Variants in CGREF1 observed in about 807,000 individuals in gnomAD.
CGREF1 encodes the protein cell growth regulator with EF-hand domain 1.
In CGREF1, 16 loss-of-function variants were observed where a neutral mutation model predicts 17.4. The ratio of observed to expected loss-of-function variants is 0.92; its 90% CI spans 0.62 to 1.40. The LOEUF (loss-of-function observed/expected upper bound fraction) is 1.40. Ranked by LOEUF, CGREF1 falls within the 40% of genes most tolerant of loss-of-function variation. The pLI is 0.00. For synonymous variants in CGREF1, 142 were observed against 154.6 expected (o/e 0.92, Z 0.61); for missense variants, 296 against 376.4 (o/e 0.79, Z 1.77).
Position 27,118,901 on chromosome 2 carries a change from TGCGCCGCCC to T in CGREF1, c.-76_-68del, listed in dbSNP as rs1671690334. 1 of 152,074 alleles carries T rather than the reference TGCGCCGCCC, an allele frequency of 6.6e-6. No individual in the cohort carries two copies. Among genetic ancestry groups the T allele is most frequent in the Admixed American group, 6.6e-5 (1 of 15,188 alleles). The allele number at this position is 152,074 out of a possible 1,614,324, so 9.4% of individuals were successfully genotyped here. A position where few individuals can be genotyped will look rare whatever the true frequency, so the allele number is the denominator to read the frequency against. ...CAGCTCCGTGGGCGCTCCTGGCTGC[TGCGCCGCCC>T]GCGCCTCGCCTCCCGCCGCCAGCCT... is the stretch of plus-strand genomic sequence containing the variant. On this transcript the variant is annotated 5_prime_UTR_variant, in exon 1 of 6. Transcript: ENST00000402394.
At position 27,101,310 on chromosome 2, in the gene CGREF1, C is replaced by T; in HGVS notation, c.921G>A (p.Glu307=). Residue 307 remains glutamate, a synonymous_variant, in exon 6 of 6, where the codon GAG becomes GAA. Transcript: ENST00000402394. ...CATTCTCCACTTGAACAATGTGCAC[C>T]TCAAAGTCATTTTGGGTGTTCTTAG... The part of the protein sequence containing the change: ...LESKNTQNDF[E]VHIVQVENDE... 2 of 1,587,256 alleles carry T rather than the reference C, an allele frequency of 1.3e-6. No homozygotes were observed. The highest frequency in any genetic ancestry group is 1.7e-6 in the Non-Finnish European group (2 of 1,166,062).
chr2:27,113,295 C>T (rs190528963), intron 1 of CGREF1, among the ~76,000 whole-genome samples: 2 of 152,218 alleles, frequency 1.3e-5, no homozygotes, highest in East Asian at 3.9e-4. Flanking sequence ...ACAGAGAATA[C>T]CATGGAAAGC....
At position 27,101,832 on chromosome 2, in the gene CGREF1, G is replaced by A. The variant is rs758399410; in HGVS notation, c.399C>T (p.Leu133=). The A allele has an allele frequency of 1.9e-6, 3 of 1,614,130 alleles. No individual in the cohort carries two copies. The highest frequency in any genetic ancestry group is 1.6e-4 in the Middle Eastern group (1 of 6,062). ...LETQDLNGDG[L]MTPAELINFP... is the part of the protein sequence containing the mutation. Reference sequence around the variant, plus strand: ...AGTTGATGAGCTCAGCAGGGGTCATGAGCCCATCCCCATTCAGGTCCTGGG... The same window carrying A: ...AGTTGATGAGCTCAGCAGGGGTCATAAGCCCATCCCCATTCAGGTCCTGGG... Residue 133 remains leucine (L), a synonymous_variant, in exon 6 of 6, where the codon CTC becomes CTT. Coordinates refer to ENST00000402394, the MANE Select transcript of CGREF1 (RefSeq NM_006569.6).
intron 1 of CGREF1, among the ~76,000 whole-genome samples, chr2:27,115,198 C>G (rs1377239958): frequency 6.6e-6 from 1 of 152,200 alleles, no homozygotes; most frequent in Non-Finnish European, 1.5e-5. Context: ...TCTGTTGTCA[C>G]TATCTTGAAA....
chr2:27,117,468 A>C (rs1671628175), intron 1 of CGREF1, among the ~76,000 whole-genome samples: 1 of 152,240 alleles, frequency 6.6e-6, no homozygotes, highest in Non-Finnish European at 1.5e-5. Flanking sequence ...CCTAATAAAC[A>C]CATGAAAGCC....
At chr2:27,116,890 T>TCC (rs1558466821) in intron 1 of CGREF1, among the ~76,000 whole-genome samples, 37 of 102,758 alleles carry the variant, frequency 3.6e-4, no homozygotes, top group Non-Finnish European at 7.1e-4. Context: ...TCTCTCTCTC[T>TCC]CTCTCTCTCT....
intron 1 of CGREF1, among the ~76,000 whole-genome samples, chr2:27,114,104 C>T (rs182674628): frequency 2.6e-3 from 397 of 150,864 alleles, no homozygotes; most frequent in African/African-American, 9.3e-3. Flanking sequence ...AACCAATTCT[C>T]CTGCCTCAGC....
chr2:27,099,938 G>A (rs1040189913), downstream of CGREF1: 2 of 1,295,162 alleles, frequency 1.5e-6, no homozygotes, highest in South Asian at 1.3e-5. Flanking sequence ...GGGATGCAGA[G>A]CCTCAGAGCA....
intron 1 of CGREF1, among the ~76,000 whole-genome samples, chr2:27,117,458 C>G (rs908825132): frequency 6.6e-6 from 1 of 152,160 alleles, no homozygotes; most frequent in Non-Finnish European, 1.5e-5. Flanking sequence ...ACATAATTAC[C>G]CTAATAAACA....
Position 27,101,215 on chromosome 2 carries a change from C to T in CGREF1, c.*59G>A. 1 of 1,513,896 alleles carries T rather than the reference C, an allele frequency of 6.6e-7. No individual in the cohort carries two copies. The highest frequency in any genetic ancestry group is 1.3e-5 in the South Asian group (1 of 74,210). 93.8% of individuals were successfully genotyped at this position (1,513,896 alleles called of 1,614,324 possible). ...TTGTCCCAGCGTACATTTCCCCTGCCCACTTCAGGGCTTATGTTCTGGCAC... is the reference window on the plus strand; with the variant it reads ...TTGTCCCAGCGTACATTTCCCCTGCTCACTTCAGGGCTTATGTTCTGGCAC... On this transcript the variant is annotated 3_prime_UTR_variant, in exon 6 of 6. Coordinates refer to ENST00000402394, the MANE Select transcript of CGREF1 (RefSeq NM_006569.6).
At chr2:27,106,418 T>C (rs908011788) in intron 1 of CGREF1, among the ~76,000 whole-genome samples, 5 of 152,146 alleles carry the variant, frequency 3.3e-5, no homozygotes, top group African/African-American at 1.2e-4. Context: ...CCACCTGATA[T>C]GAAGAGACTA....
downstream of CGREF1, chr2:27,099,436 G>T (rs757902561): frequency 6.2e-7 from 1 of 1,613,950 alleles, no homozygotes; most frequent in South Asian, 1.1e-5. Context: ...GCTTGTCTGT[G>T]CCTGGGCTGA....
chr2:27,116,483 T>C (rs1248992836), intron 1 of CGREF1, among the ~76,000 whole-genome samples: 1 of 150,830 alleles, frequency 6.6e-6, no homozygotes, highest in Non-Finnish European at 1.5e-5. Context: ...GCCAAGATTG[T>C]GCCATTGCAC....
rs112618911 is a variant in CGREF1 at position 27,104,353 on chromosome 2, G to A, written c.14C>T (p.Thr5Met). Residue 5 changes from threonine (T) to methionine (M), a missense_variant, in exon 2 of 6, where the codon ACG becomes ATG. Physicochemically the swap from Thr to Met is moderately conservative, Grantham distance 81. Transcript: ENST00000402394. Reference protein sequence around the residue: MLPLTMTVLILLLLP... With the variant: MLPLMMTVLILLLLP... ...CAGCAGCAGGATTAACACTGTCATC[G>A]TCAAAGGTAACATCCTTCCTGGAAC... 2.1e-3 allele frequency: 3,401 copies of A among 1,610,946 alleles called. 7 individuals carry two copies. Among genetic ancestry groups the A allele is most frequent in the Non-Finnish European group, 2.7e-3 (3,128 of 1,178,350 alleles).
At chr2:27,105,090 AC>A (rs1353474852) in intron 1 of CGREF1, among the ~76,000 whole-genome samples, 3 of 152,370 alleles carry the variant, frequency 2.0e-5, no homozygotes, top group Admixed American at 6.5e-5. Context: ...GTATATGAAA[AC>A]AGTCAAGGAT....
At position 27,101,024 on chromosome 2, in the gene CGREF1, G is replaced by C; in HGVS notation, c.*250C>G. On this transcript the variant is annotated 3_prime_UTR_variant, in exon 6 of 6. Coordinates refer to ENST00000402394, the MANE Select transcript of CGREF1 (RefSeq NM_006569.6). ...CCCTGTCCTTTCGGTCCCCAACCCC[G>C]TTCCTCTGAGAGGGTCTGGGCAGGC... The C allele has an allele frequency of 7.7e-7, 1 of 1,296,428 alleles. No homozygotes were observed. Among genetic ancestry groups the C allele is most frequent in the Non-Finnish European group, 9.7e-7 (1 of 1,026,632 alleles). The allele number at this position is 1,296,428 out of a possible 1,614,324, so 80.3% of individuals were successfully genotyped here.
chr2:27,101,778 C>T lies in CGREF1; in HGVS notation c.453G>A (p.Glu151=), dbSNP rs753166311. The T allele has an allele frequency of 9.3e-6, 15 of 1,614,096 alleles. No homozygotes were observed. The highest frequency in any genetic ancestry group is 1.3e-5 in the African/African-American group (1 of 74,938). The change falls in exon 6 of 6, where the codon GAG becomes GAA. Residue 151 remains glutamate (E), a synonymous_variant. Coordinates refer to ENST00000402394, the MANE Select transcript of CGREF1 (RefSeq NM_006569.6). ...NFPGVALRHV[E]PGEPLAPSPQ... ...GAGATGGAGCAAGGGGCTCTCCGGGCTCCACGTGCCTGAGGGCTACTCCCG... is the reference window on the plus strand; with the variant it reads ...GAGATGGAGCAAGGGGCTCTCCGGGTTCCACGTGCCTGAGGGCTACTCCCG...
In CGREF1 at chr2:27,102,533, G is replaced by C. The variant is rs764073507; in HGVS notation, c.139C>G (p.Gln47Glu). 2 of 1,614,044 alleles carry C rather than the reference G, an allele frequency of 1.2e-6. No individual in the cohort carries two copies. Among genetic ancestry groups the C allele is most frequent in the South Asian group, 1.1e-5 (1 of 91,076 alleles). The change falls in exon 3 of 6, where the codon CAG becomes GAG. Residue 47 changes from glutamine to glutamate, a missense_variant. Physicochemically the swap from Gln to Glu is conservative, Grantham distance 29 (BLOSUM62 2). Coordinates refer to ENST00000402394, the MANE Select transcript of CGREF1 (RefSeq NM_006569.6). ...CCGGCCCACCCTACTCACCCGAGCT[G>C]CTCCTGGCCTGGCTGGAAGGGGTTG... ...LPNPFQPGQEQLGLLQSYLKG... is the reference protein window; with the variant it reads ...LPNPFQPGQEELGLLQSYLKG...
At chr2:27,102,854 G>T in intron 2 of CGREF1, 1 of 858,250 alleles carries the variant, frequency 1.2e-6, no homozygotes, top group Non-Finnish European at 1.4e-6. Flanking sequence ...GTAGAGGCCA[G>T]ATGAGGCCAC....
Sources: gnomAD v4.1 joint callset for allele counts (sites outside exome capture counted in the v4.1 genomes callset) on GRCh38, gnomAD v4.1.1 for gene constraint, MANE v1.5 for transcripts, NCBI Gene and HGNC (gene_info 2026-07-23, HGNC 2026-07-21) for gene names.